COPS4: variants seen among roughly 807,000 people sequenced by gnomAD.
COPS4 encodes the protein COP9 signalosome complex subunit 4.
A neutral mutation model predicts 55.1 loss-of-function variants in COPS4; 8 were observed. The ratio of observed to expected loss-of-function variants is 0.15; its 90% confidence interval spans 0.09 to 0.26. The LOEUF (loss-of-function observed/expected upper bound fraction) is 0.26. Among genes scored for constraint, COPS4 ranks in the 10% least tolerant of loss-of-function variants. COPS4 has a pLI of 1.00. For missense variants in COPS4, 248 were observed against 484.0 expected, an observed-to-expected ratio of 0.51 and a Z score of 4.58; for synonymous variants, 185 against 165.7, an observed-to-expected ratio of 1.12 and a Z score of -0.90.
chr4:83,042,154 C>T (rs547340076), intron 1 of COPS4, among the ~76,000 whole-genome samples: 5 of 152,212 alleles, frequency 3.3e-5, no homozygotes, highest in South Asian at 2.1e-4. Context: ...CGTGAGCCAC[C>T]GCACCTGACC....
Position 83,075,423 on chromosome 4 carries a change from C to T in COPS4, c.1214C>T (p.Ala405Val), listed in dbSNP as rs1217812616. 1 of 1,613,860 alleles carries T rather than the reference C, an allele frequency of 6.2e-7. No homozygotes were observed. The highest frequency in any genetic ancestry group is 8.5e-7 in the Non-Finnish European group (1 of 1,179,988). Reference sequence around the variant, plus strand: ...GCACAAGCCATGGAAGCCCAGATGGCTCAGTGAATCCTTGCAGAACTTCTG... The same window carrying T: ...GCACAAGCCATGGAAGCCCAGATGGTTCAGTGAATCCTTGCAGAACTTCTG... ...WTAQAMEAQM[A>V]Q Residue 405 changes from alanine to valine, a missense_variant, in exon 10 of 10, where the codon GCT becomes GTT. Physicochemically the swap from Ala to Val is moderately conservative, Grantham distance 64. This residue lies in a region of COPS4 where 38 missense variants were observed against 77.9 expected (regional missense o/e 0.49). Coordinates refer to ENST00000264389, the MANE Select transcript of COPS4 (RefSeq NM_016129.3).
rs143496624 is a variant in COPS4, at chr4:83,035,474, G to C, written c.74+176G>C. Reference sequence around the variant, plus strand: ...TGTTGGGAGAAGCAGAAAGCTGGAGGGGACCTTGTGCAGGGGCCTTCGAGG... The same window carrying C: ...TGTTGGGAGAAGCAGAAAGCTGGAGCGGACCTTGTGCAGGGGCCTTCGAGG... On this transcript the variant is annotated intron_variant, in intron 1 of 9. Coordinates refer to ENST00000264389, the MANE Select transcript of COPS4 (RefSeq NM_016129.3). 349 of 438,940 alleles carry C rather than the reference G, an allele frequency of 8.0e-4. 2 individuals are homozygous for C. Among genetic ancestry groups the C allele is most frequent in the African/African-American group, 6.5e-3 (320 of 49,592 alleles). 27.2% of individuals were successfully genotyped at this position (438,940 alleles called of 1,614,324 possible).
At chr4:83,043,828 A>G (rs1730634665) in intron 1 of COPS4, among the ~76,000 whole-genome samples, 2 of 152,198 alleles carry the variant, frequency 1.3e-5, no homozygotes, top group South Asian at 2.1e-4. Flanking sequence ...TAAAAACTTA[A>G]TATTTCCTTG....
chr4:83,059,216 GT>G (rs1163884420), intron 6 of COPS4, among the ~76,000 whole-genome samples: 2 of 151,796 alleles, frequency 1.3e-5, no homozygotes, highest in East Asian at 3.9e-4. Flanking sequence ...TTTTGGTTTT[GT>G]TTATGACATT....
At chr4:83,045,169 T>C (rs954596520) in intron 1 of COPS4, among the ~76,000 whole-genome samples, 4 of 152,210 alleles carry the variant, frequency 2.6e-5, no homozygotes, top group African/African-American at 9.7e-5. Context: ...ACATTACGTC[T>C]GTAAGAGGAA....
intron 4 of COPS4, among the ~76,000 whole-genome samples, chr4:83,053,566 C>G (rs561342244): frequency 6.6e-6 from 1 of 152,052 alleles, no homozygotes; most frequent in South Asian, 2.1e-4. Flanking sequence ...GATGGCAGGG[C>G]GTGGTAGCTC....
chr4:83,050,216 T>C (rs1212358848), intron 4 of COPS4, among the ~76,000 whole-genome samples: 8 of 152,152 alleles, frequency 5.3e-5, no homozygotes, highest in Non-Finnish European at 1.2e-4. Flanking sequence ...TGATGTCACT[T>C]TATCAAAGAC....
chr4:83,041,153 C>G (rs956970475), intron 1 of COPS4, among the ~76,000 whole-genome samples: 1 of 150,724 alleles, frequency 6.6e-6, no homozygotes, highest in African/African-American at 2.4e-5. Context: ...ATCTCCACCT[C>G]CCGGGTTCAA....
intron 7 of COPS4, among the ~76,000 whole-genome samples, chr4:83,064,198 A>G (rs533537309): frequency 1.3e-5 from 2 of 152,220 alleles, no homozygotes; most frequent in South Asian, 4.1e-4. Flanking sequence ...ACAGCTAAGC[A>G]TGGTGGTACA....
chr4:83,073,379 T>C (rs1731486560), intron 9 of COPS4: 1 of 589,736 alleles, frequency 1.7e-6, no homozygotes, highest in Non-Finnish European at 3.1e-6. Context: ...TTCATTTTTA[T>C]AGCCGAATAG....
intron 4 of COPS4, among the ~76,000 whole-genome samples, chr4:83,051,596 G>A (rs1730891030): frequency 6.6e-6 from 1 of 152,160 alleles, no homozygotes; most frequent in South Asian, 2.1e-4. Flanking sequence ...TGGAAAGTTG[G>A]AGTGGGGAAG....
At position 83,045,635 on chromosome 4, in the gene COPS4, G is replaced by T. The variant is rs781748264; in HGVS notation, c.84G>T (p.Gln28His). ...TTTGGTATTGTTGTAGGTATCGTCA[G>T]ATCCTGGAAAAAGCCATTCAGTTAT... is the stretch of plus-strand genomic sequence containing the variant. ...SHKDLAGKYR[Q>H]ILEKAIQLSG... The change falls in exon 2 of 10, where the codon CAG (glutamine) becomes CAT (histidine). Residue 28 changes from glutamine to histidine, a missense_variant. By Grantham distance (24) the Gln-to-His change is conservative (BLOSUM62 0). Around this residue, in one of 4 missense-constraint regions of COPS4, gnomAD observed 55 missense variants for 62.8 expected, o/e 0.88. Coordinates refer to ENST00000264389, the MANE Select transcript of COPS4 (RefSeq NM_016129.3). The T allele has an allele frequency of 1.2e-6, 2 of 1,612,520 alleles. No individual in the cohort carries two copies. The highest frequency in any genetic ancestry group is 1.1e-5 in the South Asian group (1 of 91,030).
chr4:83,035,661 CCT>C (rs1353792357), intron 1 of COPS4: 1 of 205,788 alleles, frequency 4.9e-6, no homozygotes, highest in Non-Finnish European at 1.0e-5. Flanking sequence ...CCGAATCTGG[CCT>C]CTCTTTGGAC....
At chr4:83,060,718 T>G (rs995578460) in intron 6 of COPS4, among the ~76,000 whole-genome samples, 1 of 151,804 alleles carries the variant, frequency 6.6e-6, no homozygotes, top group South Asian at 2.1e-4. Context: ...TTCTTTAACA[T>G]AATAAGTTAG....
intron 6 of COPS4, among the ~76,000 whole-genome samples, chr4:83,057,888 C>T (rs1226166868): frequency 1.4e-5 from 2 of 143,798 alleles, no homozygotes; most frequent in Admixed American, 7.1e-5. Context: ...GGCCACTGCA[C>T]TCCAGCCAGG....
chr4:83,050,040 CTT>C (rs1730851803), intron 4 of COPS4, 56 bp downstream of exon 4: 7 of 1,045,300 alleles, frequency 6.7e-6, no homozygotes, highest in South Asian at 6.3e-5. Flanking sequence ...TAATTGCTCA[CTT>C]ATATTTTTTC....
intron 2 of COPS4, 88 bp downstream of exon 2, chr4:83,045,793 C>A: frequency 2.6e-6 from 2 of 771,632 alleles, no homozygotes; most frequent in South Asian, 1.8e-5. Flanking sequence ...ATCAAATTAT[C>A]AATATTAAAT....
intron 1 of COPS4, among the ~76,000 whole-genome samples, chr4:83,044,947 C>T (rs1377610775): frequency 3.3e-5 from 5 of 152,166 alleles, no homozygotes; most frequent in Non-Finnish European, 4.4e-5. Context: ...TTCCTGTCCT[C>T]GTGGAGCTTG....
At chr4:83,041,177 C>G (rs1730559324) in intron 1 of COPS4, among the ~76,000 whole-genome samples, 1 of 151,198 alleles carries the variant, frequency 6.6e-6, no homozygotes, top group Non-Finnish European at 1.5e-5. Flanking sequence ...ATTCTTCTGG[C>G]TCAGCCTCCT....
Sources: allele counts gnomAD v4.1 joint callset (sites outside exome capture counted in the v4.1 genomes callset), GRCh38; gene constraint gnomAD v4.1.1; regional missense constraint gnomAD v4.1.1; transcripts MANE v1.5; gene names NCBI Gene and HGNC (gene_info 2026-07-23, HGNC 2026-07-21).